BMERB1: variants seen among roughly 807,000 people sequenced by gnomAD.
BMERB1 encodes the protein bMERB domain containing 1.
BMERB1 carries 12 observed loss-of-function variants against 23.6 expected under a neutral mutation model. The ratio of observed to expected loss-of-function variants is 0.51; its 90% CI spans 0.33 to 0.82. The LOEUF (loss-of-function observed/expected upper bound fraction) is 0.82, where lower values mean the gene tolerates loss of function less well. Ranked by LOEUF, BMERB1 falls within the 40% of genes least tolerant of loss-of-function variation. The pLI is 0.03. For synonymous variants in BMERB1, 122 were observed against 96.6 expected (o/e 1.26, Z -1.54); for missense variants, 247 against 255.4 (o/e 0.97, Z 0.22).
chr16:15,519,840 C>T (rs12929694), intron 2 of BMERB1, among the ~76,000 whole-genome samples: 38,156 of 152,000 alleles, frequency 0.25, 5,998 homozygotes, highest in East Asian at 0.51. Flanking sequence ...CCTGTTCTTC[C>T]TCTTTTCCTG....
chr16:15,547,509 AT>A (rs947160919), intron 2 of BMERB1, among the ~76,000 whole-genome samples: 1 of 148,880 alleles, frequency 6.7e-6, no homozygotes, highest in Non-Finnish European at 1.5e-5. Flanking sequence ...CGCCCAGCTA[AT>A]TTTTTTTGTA....
chr16:15,452,339 A>AGGGAGAGAGG (rs1567451653), intron 1 of BMERB1, among the ~76,000 whole-genome samples: 1 of 29,206 alleles, frequency 3.4e-5, no homozygotes, highest in Non-Finnish European at 8.6e-5. Context: ...AGGGAGAGAG[A>AGGGAGAGAGG]GAGAGAGAGA....
At chr16:15,516,550 A>G (rs1489211821) in intron 2 of BMERB1, among the ~76,000 whole-genome samples, 1 of 152,248 alleles carries the variant, frequency 6.6e-6, no homozygotes, top group Admixed American at 6.5e-5. Context: ...ACCAGAGGTT[A>G]AGAGGCAACC....
At chr16:15,492,928 GAAA>G (rs978469438) in intron 1 of BMERB1, among the ~76,000 whole-genome samples, 2 of 150,960 alleles carry the variant, frequency 1.3e-5, no homozygotes, top group Admixed American at 6.6e-5. Context: ...CAAAAAAAAA[GAAA>G]AAAAAGAAGA....
At chr16:15,451,000 T>TTGGAGGTTCA (rs2051036766) in intron 1 of BMERB1, among the ~76,000 whole-genome samples, 2 of 152,160 alleles carry the variant, frequency 1.3e-5, no homozygotes, top group Admixed American at 1.3e-4. Flanking sequence ...AGCAATGAAC[T>TTGGAGGTTCA]TTGGAAAACT....
In BMERB1 at chr16:15,560,084, T is replaced by G. The variant is rs932647479; in HGVS notation, c.231-7899T>G. Among the ~76,000 whole-genome samples, 54 of 149,948 alleles carry G rather than the reference T, an allele frequency of 3.6e-4. 2 individuals are homozygous for G. The highest frequency in any genetic ancestry group is 5.9e-5 in the Non-Finnish European group (4 of 67,340). On this transcript the variant is annotated intron_variant, in intron 2 of 5. Transcript: ENST00000300006. ...TTTAGCGGAAGGTGTGTGGAGGAGGTAGAGAGAGAGAGAGAAGAGATGAGA... is the reference window on the plus strand; with the variant it reads ...TTTAGCGGAAGGTGTGTGGAGGAGGGAGAGAGAGAGAGAGAAGAGATGAGA...
intron 1 of BMERB1, among the ~76,000 whole-genome samples, chr16:15,486,756 C>T (rs1269643204): frequency 6.6e-6 from 1 of 152,162 alleles, no homozygotes; most frequent in Non-Finnish European, 1.5e-5. Flanking sequence ...GGTCTAACCC[C>T]TAGCATAGTT....
intron 3 of BMERB1, among the ~76,000 whole-genome samples, chr16:15,578,927 C>T (rs1005803514): frequency 6.6e-6 from 1 of 152,192 alleles, no homozygotes; most frequent in East Asian, 1.9e-4. Flanking sequence ...ACGTGAGCAG[C>T]ATTGGCCAAT....
chr16:15,489,737 C>G (rs1256743810), intron 1 of BMERB1, among the ~76,000 whole-genome samples: 3 of 152,180 alleles, frequency 2.0e-5, no homozygotes, highest in Non-Finnish European at 4.4e-5. Context: ...GACATTTACT[C>G]TGCTCCTCCC....
intron 1 of BMERB1, among the ~76,000 whole-genome samples, chr16:15,455,713 C>G (rs1250373181): frequency 6.6e-6 from 1 of 152,142 alleles, no homozygotes; most frequent in East Asian, 1.9e-4. Flanking sequence ...CCACCAGCCT[C>G]AGCCTCCCAA....
intron 1 of BMERB1, among the ~76,000 whole-genome samples, chr16:15,483,322 T>C (rs1000589730): frequency 6.6e-6 from 1 of 152,242 alleles, no homozygotes; most frequent in Non-Finnish European, 1.5e-5. Flanking sequence ...TTCTATGCTC[T>C]TCCCTCTACT....
intron 1 of BMERB1, among the ~76,000 whole-genome samples, chr16:15,482,200 G>C (rs2051327990): frequency 6.6e-6 from 1 of 152,134 alleles, no homozygotes; most frequent in African/African-American, 2.4e-5. Context: ...AGCCTTGAGA[G>C]AAGAGGAAAG....
Position 15,498,636 on chromosome 16 carries a change from AAGAG to A in BMERB1, c.107-16668_107-16665del, listed in dbSNP as rs200677978. On this transcript the variant is annotated intron_variant, in intron 1 of 5. Transcript: ENST00000300006. ...AGGAAAAAAGAAAGAGAAAGGAAGA[AAGAG>A]GAAGGAAGGAAGGGAAGATGGAACT... Among the ~76,000 whole-genome samples, 188 of 151,944 alleles carry A rather than the reference AAGAG, an allele frequency of 1.2e-3. 2 individuals are homozygous for A. The East Asian group carries it at 0.029, about 24-fold the overall frequency.
chr16:15,439,730 G>C (rs2050922914), intron 1 of BMERB1, among the ~76,000 whole-genome samples: 1 of 152,106 alleles, frequency 6.6e-6, no homozygotes, highest in Non-Finnish European at 1.5e-5. Flanking sequence ...ATTTCAGCGT[G>C]GTTAGATATA....
At chr16:15,446,497 G>A (rs988368294) in intron 1 of BMERB1, among the ~76,000 whole-genome samples, 4 of 152,108 alleles carry the variant, frequency 2.6e-5, no homozygotes, top group Admixed American at 1.3e-4. Context: ...CTTACAAAAC[G>A]TTCTGTGAGA....
At chr16:15,531,876 A>G (rs1015527062) in intron 2 of BMERB1, among the ~76,000 whole-genome samples, 52 of 152,282 alleles carry the variant, frequency 3.4e-4, no homozygotes, top group African/African-American at 1.3e-3. Flanking sequence ...TTTTCCTTCA[A>G]ATAAAATACC....
At chr16:15,463,270 T>TATATATA (rs2051152108) in intron 1 of BMERB1, among the ~76,000 whole-genome samples, 2 of 151,448 alleles carry the variant, frequency 1.3e-5, no homozygotes, top group African/African-American at 4.9e-5. Context: ...TATATATATA[T>TATATATA]TTTGTAGAGG....
chr16:15,586,918 C>A lies in BMERB1; in HGVS notation c.*89C>A. 1 of 924,890 alleles carries A rather than the reference C, an allele frequency of 1.1e-6. No individual in the cohort carries two copies. The highest frequency in any genetic ancestry group is 1.7e-5 in the South Asian group (1 of 59,104). 57.3% of individuals were successfully genotyped at this position (924,890 alleles called of 1,614,324 possible). On this transcript the variant is annotated 3_prime_UTR_variant, in exon 6 of 6. Coordinates refer to ENST00000300006, the MANE Select transcript of BMERB1 (RefSeq NM_033201.3). ...ATTTCACCGGGGCCCAAGAGCTCTC[C>A]AAGGCAGAAGGGGTTGAAGGCAAGC...
chr16:15,534,994 A>C (rs1481704797), intron 2 of BMERB1, among the ~76,000 whole-genome samples: 1 of 152,146 alleles, frequency 6.6e-6, no homozygotes, highest in African/African-American at 2.4e-5. Flanking sequence ...TTACTAAACT[A>C]TATTTTTCTC....
Sources: gnomAD v4.1 joint callset for allele counts (sites outside exome capture counted in the v4.1 genomes callset) on GRCh38, gnomAD v4.1.1 for gene constraint, MANE v1.5 for transcripts, NCBI Gene and HGNC (gene_info 2026-07-23, HGNC 2026-07-21) for gene names.